Variants in CUX2 observed in about 807,000 individuals in gnomAD.
The protein encoded by CUX2 is homeobox protein cut-like 2.
Under a neutral mutation model 144.8 loss-of-function variants are expected in CUX2, and 40 were observed. The ratio of observed to expected loss-of-function variants is 0.28; its 90% CI spans 0.21 to 0.36. CUX2 has a LOEUF of 0.36. Among genes scored for constraint, CUX2 ranks in the 10% least tolerant of loss-of-function variants. The probability of loss-of-function intolerance (pLI) is 1.00; values close to 1 mark genes in which losing one functional copy is unlikely to be tolerated. For missense variants in CUX2, 1,615 were observed against 1,994.0 expected (o/e 0.81, Z 3.62); for synonymous variants, 827 against 875.6 (o/e 0.94, Z 0.98).
intron 1 of CUX2, among the ~76,000 whole-genome samples, chr12:111,087,226 G>A (rs902256937): frequency 6.6e-6 from 1 of 151,866 alleles, no homozygotes; most frequent in South Asian, 2.1e-4. Flanking sequence ...AAATTAGCTG[G>A]GCGTGGTGGC....
chr12:111,144,308 A>C (rs938294702), intron 1 of CUX2, among the ~76,000 whole-genome samples: 1 of 152,186 alleles, frequency 6.6e-6, no homozygotes, highest in African/African-American at 2.4e-5. Context: ...TCAACCTTTC[A>C]GGACCCCCAG....
intron 3 of CUX2, among the ~76,000 whole-genome samples, chr12:111,258,632 C>T (rs765106043): frequency 1.6e-4 from 24 of 152,076 alleles, no homozygotes; most frequent in African/African-American, 2.7e-4. Context: ...TTTGAAAGTC[C>T]GTTGACTTTG....
chr12:111,318,814 G>C (rs1887344256), intron 16 of CUX2, among the ~76,000 whole-genome samples: 1 of 151,602 alleles, frequency 6.6e-6, no homozygotes, highest in South Asian at 2.1e-4. Context: ...ACAGGTGTGA[G>C]CCACCACGCC....
rs1878531922 is a variant in CUX2, at chr12:111,171,694, G to T, written c.64-42506G>T. On this transcript the variant is annotated intron_variant, in intron 1 of 21. Transcript: ENST00000261726. The surrounding 1 kb of genome is among the most constrained non-coding windows in gnomAD (Gnocchi z 5.0). ...AAGGGGTTTGCAGGCCATAATTAGG[G>T]GCTCAGTGTCACCTTTGTCCAGTGC... Among the ~76,000 whole-genome samples the T allele has an allele frequency of 6.6e-6, 1 of 152,190 alleles. No homozygotes were observed. The highest frequency in any genetic ancestry group is 1.5e-5 in the Non-Finnish European group (1 of 68,036).
In CUX2 at chr12:111,035,498, C is replaced by T. The variant is rs1054839897; in HGVS notation, c.63+1258C>T. ...TCTCGCAAAGTCTCGGCGGGTGCGG[C>T]GGGGATCAGGGGCGGGAAAATGGTG... is the stretch of plus-strand genomic sequence containing the variant. On this transcript the variant is annotated intron_variant, in intron 1 of 21. Transcript: ENST00000261726. The surrounding 1 kb of genome is among the most constrained non-coding windows in gnomAD (Gnocchi z 6.0). Among the ~76,000 whole-genome samples, 1 of 151,664 alleles carries T rather than the reference C, an allele frequency of 6.6e-6. No individual in the cohort carries two copies. The highest frequency in any genetic ancestry group is 1.5e-5 in the Non-Finnish European group (1 of 67,950).
intron 3 of CUX2, among the ~76,000 whole-genome samples, chr12:111,227,370 C>T (rs893249204): frequency 6.6e-6 from 1 of 152,272 alleles, no homozygotes; most frequent in Non-Finnish European, 1.5e-5. Context: ...TGCCCATTGC[C>T]AGGTTCTTCA....
Position 111,298,605 on chromosome 12 carries a change from T to C in CUX2, c.753+16T>C. ...AGCTAATCAGGTGAGGAGGCGCAGT[T>C]CCCACCCGTGGGTGCCAGAGGCTCC... On this transcript the variant is annotated intron_variant, in intron 9 of 21. Coordinates refer to ENST00000261726, the MANE Select transcript of CUX2 (RefSeq NM_015267.4). The C allele has an allele frequency of 6.4e-7, 1 of 1,559,538 alleles. No homozygotes were observed. Among genetic ancestry groups the C allele is most frequent in the Non-Finnish European group, 8.7e-7 (1 of 1,150,812 alleles).
intron 1 of CUX2, among the ~76,000 whole-genome samples, chr12:111,185,857 T>A (rs894728227): frequency 2.6e-5 from 4 of 152,122 alleles, no homozygotes; most frequent in African/African-American, 9.7e-5. Flanking sequence ...GGGGGCTGCC[T>A]GCAATGTAGG....
At chr12:111,305,861 GTC>G (rs547966659) in intron 10 of CUX2, among the ~76,000 whole-genome samples, 92 of 152,240 alleles carry the variant, frequency 6.0e-4, no homozygotes, top group African/African-American at 2.1e-3. Context: ...CCTTGTGAGT[GTC>G]TCTCTTTGAT....
chr12:111,264,845 G>A (rs1376619875), intron 4 of CUX2, among the ~76,000 whole-genome samples: 1 of 152,140 alleles, frequency 6.6e-6, no homozygotes, highest in Non-Finnish European at 1.5e-5. Context: ...AGGCCACATA[G>A]TGTAGGATTT....
chr12:111,171,837 A>G lies in CUX2; in HGVS notation c.64-42363A>G, dbSNP rs1878540605. Among the ~76,000 whole-genome samples, 1 of 152,232 alleles carries G rather than the reference A, an allele frequency of 6.6e-6. No homozygotes were observed. ...ATTGGCCCTCTGTCTTCTCCCATCC[A>G]GATATGTGGGTCCTGGGCCTTACCT... On this transcript the variant is annotated intron_variant, in intron 1 of 21. Transcript: ENST00000261726. The surrounding 1 kb of genome is among the most constrained non-coding windows in gnomAD (Gnocchi z 5.0).
chr12:111,179,594 GTT>G (rs1412127427), intron 1 of CUX2, among the ~76,000 whole-genome samples: 100 of 103,712 alleles, frequency 9.6e-4, no homozygotes, highest in African/African-American at 3.8e-3. Flanking sequence ...CATCGCCGTG[GTT>G]GTTGTTGTTG....
At chr12:111,259,427 A>G (rs1423012846) in intron 3 of CUX2, among the ~76,000 whole-genome samples, 2 of 152,146 alleles carry the variant, frequency 1.3e-5, no homozygotes, top group Non-Finnish European at 2.9e-5. Context: ...ATAAAACTTT[A>G]TTTACACAAA....
intron 1 of CUX2, among the ~76,000 whole-genome samples, chr12:111,060,448 G>A (rs1870717132): frequency 6.6e-6 from 1 of 152,220 alleles, no homozygotes; most frequent in Admixed American, 6.5e-5. Context: ...GGATTAGGGG[G>A]CTCCCCCATA....
chr12:111,306,132 G>A (rs542631583), intron 10 of CUX2, among the ~76,000 whole-genome samples: 5 of 152,120 alleles, frequency 3.3e-5, no homozygotes, highest in African/African-American at 1.2e-4. Context: ...ATTAACCCCC[G>A]TGGAACCCGG....
At chr12:111,048,502 G>A (rs1870107307) in intron 1 of CUX2, among the ~76,000 whole-genome samples, 1 of 152,176 alleles carries the variant, frequency 6.6e-6, no homozygotes, top group South Asian at 2.1e-4. Flanking sequence ...GTGGCCAGCT[G>A]GTGTGGATTT....
Position 111,287,131 on chromosome 12 carries a change from C to G in CUX2, c.302-4287C>G, listed in dbSNP as rs1430327455. On this transcript the variant is annotated intron_variant, in intron 4 of 21. Coordinates refer to ENST00000261726, the MANE Select transcript of CUX2 (RefSeq NM_015267.4). This position sits in a 1 kb window ranked among gnomAD's most constrained non-coding sequence, Gnocchi z 4.2. ...CCACCTGAGGCCAGCCTCCCCAAGA[C>G]AGAGCACACAGCCAGCAAGGAATGA... Among the ~76,000 whole-genome samples, 2 of 152,372 alleles carry G rather than the reference C, an allele frequency of 1.3e-5. No individual in the cohort carries two copies. Among genetic ancestry groups the G allele is most frequent in the African/African-American group, 4.8e-5 (2 of 41,600 alleles).
chr12:111,332,979 A>G (rs1403986792), intron 18 of CUX2, among the ~76,000 whole-genome samples: 1 of 152,094 alleles, frequency 6.6e-6, no homozygotes, highest in Non-Finnish European at 1.5e-5. Flanking sequence ...AGGCTAAGGC[A>G]GGTAGATCAC....
At chr12:111,117,054 T>C (rs1327863474) in intron 1 of CUX2, among the ~76,000 whole-genome samples, 1 of 152,228 alleles carries the variant, frequency 6.6e-6, no homozygotes, top group Non-Finnish European at 1.5e-5. Context: ...ATTGAAGTTT[T>C]CCTCTTAGAG....
Sources: gnomAD v4.1 joint callset for allele counts (sites outside exome capture counted in the v4.1 genomes callset) on GRCh38, gnomAD v4.1.1 for gene constraint, Gnocchi (gnomAD v3.1) non-coding constraint, MANE v1.5 for transcripts, NCBI Gene and HGNC (gene_info 2026-07-23, HGNC 2026-07-21) for gene names.